RNF170: variants seen among roughly 807,000 people sequenced by gnomAD.
RNF170 encodes E3 ubiquitin-protein ligase RNF170.
A neutral mutation model predicts 32.7 loss-of-function variants in RNF170; 12 were observed. That is an observed-to-expected ratio of 0.37 (90% CI 0.24 to 0.60). The LOEUF is 0.60. RNF170 is among the 20% of genes least tolerant of loss of function. The probability of loss-of-function intolerance (pLI) is 0.72; values close to 1 mark genes in which losing one functional copy is unlikely to be tolerated. For missense variants in RNF170, 212 were observed against 311.2 expected, an observed-to-expected ratio of 0.68 and a Z score of 2.40; for synonymous variants, 91 against 103.6, an observed-to-expected ratio of 0.88 and a Z score of 0.74.
At chr8:42,858,354 CAT>C (rs1243403930) in intron 6 of RNF170, among the ~76,000 whole-genome samples, 4 of 152,066 alleles carry the variant, frequency 2.6e-5, no homozygotes, top group African/African-American at 4.8e-5. Flanking sequence ...AGCATGAGCA[CAT>C]GTCTGTTTAA....
Position 42,896,513 on chromosome 8 carries a change from G to A in RNF170, c.-37C>T, listed in dbSNP as rs1227869095. The A allele has an allele frequency of 4.4e-6, 2 of 453,858 alleles. No individual in the cohort carries two copies. The highest frequency in any genetic ancestry group is 2.0e-5 in the African/African-American group (1 of 49,974). The allele number at this position is 453,858 out of a possible 1,614,324, so 28.1% of individuals were successfully genotyped here. Reference sequence around the variant, plus strand: ...CCACCGCGAAGGAACTACCTCGCCAGTTCCCGGCGACAGAGGACAGATTAT... The same window carrying A: ...CCACCGCGAAGGAACTACCTCGCCAATTCCCGGCGACAGAGGACAGATTAT... On this transcript the variant is annotated 5_prime_UTR_variant, in exon 1 of 7. Transcript: ENST00000527424.
In RNF170 at chr8:42,855,016, C is replaced by T. The variant is rs1019053104; in HGVS notation, c.*1143G>A. On this transcript the variant is annotated 3_prime_UTR_variant, in exon 7 of 7. Coordinates refer to ENST00000527424, the MANE Select transcript of RNF170 (RefSeq NM_030954.4). ...TTTTGTCAAATGTAAATACCGTTCC[C>T]AGTACCTTCCTATTGGCTTGATGCT... The T allele has an allele frequency of 7.8e-7, 1 of 1,287,220 alleles. No homozygotes were observed. The highest frequency in any genetic ancestry group is 1.0e-6 in the Non-Finnish European group (1 of 988,706). 79.7% of individuals were successfully genotyped at this position (1,287,220 alleles called of 1,614,324 possible).
intron 6 of RNF170, among the ~76,000 whole-genome samples, chr8:42,858,723 A>C (rs1016889674): frequency 6.6e-5 from 10 of 152,204 alleles, no homozygotes; most frequent in Admixed American, 1.3e-4. Flanking sequence ...ATGCAGAGGA[A>C]GTGTCAGGTG....
intron 2 of RNF170, among the ~76,000 whole-genome samples, chr8:42,886,077 A>C (rs992116126): frequency 6.6e-6 from 1 of 152,106 alleles, no homozygotes; most frequent in Non-Finnish European, 1.5e-5. Context: ...ACAAAAAATT[A>C]GCCGGGCGTG....
chr8:42,869,112 G>A (rs912673536), intron 4 of RNF170, among the ~76,000 whole-genome samples: 3 of 151,852 alleles, frequency 2.0e-5, no homozygotes, highest in Non-Finnish European at 4.4e-5. Flanking sequence ...GTCTCCTTAT[G>A]TTGCCCAGGC....
intron 6 of RNF170, among the ~76,000 whole-genome samples, chr8:42,860,062 CTG>C (rs1466660857): frequency 6.6e-6 from 1 of 152,134 alleles, no homozygotes; most frequent in East Asian, 1.9e-4. Context: ...GAAATCAAAA[CTG>C]AGAAAAGAAC....
intron 5 of RNF170, 46 bp from the exon 6 acceptor site, chr8:42,861,901 A>G: frequency 6.5e-7 from 1 of 1,535,188 alleles, no homozygotes; most frequent in African/African-American, 1.4e-5. Flanking sequence ...CTGCATCATT[A>G]TGTTTTTTTC....
intron 3 of RNF170, among the ~76,000 whole-genome samples, chr8:42,871,725 A>G (rs191596482): frequency 9.9e-4 from 150 of 152,182 alleles, no homozygotes; most frequent in African/African-American, 2.7e-3. Context: ...GCACCTGGCT[A>G]AAGTTGTGTT....
At chr8:42,863,037 G>A (rs994291173) in intron 5 of RNF170, among the ~76,000 whole-genome samples, 1 of 152,206 alleles carries the variant, frequency 6.6e-6, no homozygotes, top group Non-Finnish European at 1.5e-5. Flanking sequence ...TGGCTGGTGT[G>A]CACGCATTCA....
At chr8:42,896,651 C>A (rs566824638), upstream of RNF170, 3 of 451,976 alleles carry the variant, frequency 6.6e-6, no homozygotes, top group Non-Finnish European at 8.9e-6. Flanking sequence ...AGGGCGCGAC[C>A]GGACGGCGGA....
intron 3 of RNF170, among the ~76,000 whole-genome samples, chr8:42,872,740 C>T (rs937684333): frequency 5.3e-5 from 8 of 151,998 alleles, no homozygotes; most frequent in Non-Finnish European, 1.2e-4. Flanking sequence ...TGCACCTGGC[C>T]CCGCTTAAGT....
At chr8:42,875,683 C>A (rs759401774) in intron 2 of RNF170, among the ~76,000 whole-genome samples, 1 of 152,128 alleles carries the variant, frequency 6.6e-6, no homozygotes, top group Non-Finnish European at 1.5e-5. Context: ...TTCAAGCAAT[C>A]CTCTTGCCTC....
chr8:42,876,115 T>A (rs897196880), intron 2 of RNF170, among the ~76,000 whole-genome samples: 76 of 152,034 alleles, frequency 5.0e-4, no homozygotes, highest in African/African-American at 1.8e-3. Flanking sequence ...TGATGACATT[T>A]CAGAATACAG....
At chr8:42,891,504 T>A (rs1806296357) in intron 1 of RNF170, among the ~76,000 whole-genome samples, 1 of 152,188 alleles carries the variant, frequency 6.6e-6, no homozygotes, top group African/African-American at 2.4e-5. Flanking sequence ...TTACATTCTT[T>A]CTTCCCTAAA....
At chr8:42,884,374 G>A (rs918699420) in intron 2 of RNF170, among the ~76,000 whole-genome samples, 3 of 152,076 alleles carry the variant, frequency 2.0e-5, no homozygotes, top group African/African-American at 7.2e-5. Flanking sequence ...ATGAGCCACT[G>A]AGCCTGGCTC....
chr8:42,865,889 G>A lies in RNF170; in HGVS notation c.323-400C>T, dbSNP rs1318404335. ...AATCCCAGCTACTTGGGAGGCTGAG[G>A]CAGGAAAATCACTTGAACCCGGGAG... On this transcript the variant is annotated intron_variant, in intron 4 of 6. Coordinates refer to ENST00000527424, the MANE Select transcript of RNF170 (RefSeq NM_030954.4). Among the ~76,000 whole-genome samples, 4 of 152,122 alleles carry A rather than the reference G, an allele frequency of 2.6e-5. No individual in the cohort carries two copies. In the East Asian group the frequency reaches 5.8e-4, roughly 22 times the overall value.
chr8:42,868,187 T>A (rs947076488), intron 4 of RNF170, among the ~76,000 whole-genome samples: 2 of 152,174 alleles, frequency 1.3e-5, no homozygotes, highest in Non-Finnish European at 2.9e-5. Flanking sequence ...AATGATGAGA[T>A]TGGATTACTG....
upstream of RNF170, chr8:42,897,157 G>A: frequency 1.6e-6 from 2 of 1,249,032 alleles, no homozygotes; most frequent in Non-Finnish European, 2.0e-6. Context: ...TCGCTGGAGC[G>A]GGCGGAGCTG....
downstream of RNF170, among the ~76,000 whole-genome samples, chr8:42,852,048 G>A (rs1802954781): frequency 6.6e-6 from 1 of 152,228 alleles, no homozygotes; most frequent in African/African-American, 2.4e-5. Context: ...CAGGGGAGAA[G>A]TGGTTTAGGA....
Sources: gnomAD v4.1 joint callset for allele counts (sites outside exome capture counted in the v4.1 genomes callset) on GRCh38, gnomAD v4.1.1 for gene constraint, MANE v1.5 for transcripts, NCBI Gene and HGNC (gene_info 2026-07-23, HGNC 2026-07-21) for gene names.